Variants in DGKD observed in about 807,000 individuals in gnomAD.
The protein encoded by DGKD is diacylglycerol kinase delta, also known as DAG kinase delta.
Under a neutral mutation model 154.4 loss-of-function variants are expected in DGKD, and 68 were observed. That is an observed-to-expected ratio of 0.44 (90% CI 0.36 to 0.54). The LOEUF is 0.54. DGKD is among the 20% of genes least tolerant of loss of function. The probability of loss-of-function intolerance (pLI) is 0.00; values close to 1 mark genes in which losing one functional copy is unlikely to be tolerated. For missense variants in DGKD, 1,343 were observed against 1,593.6 expected, an observed-to-expected ratio of 0.84 and a Z score of 2.68; for synonymous variants, 693 against 638.0, an observed-to-expected ratio of 1.09 and a Z score of -1.30.
chr2:233,448,850 C>T (rs56336977), intron 14 of DGKD, among the ~76,000 whole-genome samples: 17,323 of 152,240 alleles, frequency 0.11, 1,128 homozygotes, highest in African/African-American at 0.17. Flanking sequence ...TCTATGCAGA[C>T]TAAGACTCAG....
At position 233,457,129 on chromosome 2, in the gene DGKD, C is replaced by G. The variant is rs1448462443; in HGVS notation, c.2473-92C>G. On this transcript the variant is annotated intron_variant, in intron 20 of 29. Coordinates refer to ENST00000264057, the MANE Select transcript of DGKD (RefSeq NM_152879.3). This position sits in a 1 kb window ranked among gnomAD's most constrained non-coding sequence, Gnocchi z 5.5. ...TGGGGATGCCCTGGCCACGGCTGTG[C>G]TCCTGAGCCCCTGGCGGTGGGAAGC... The G allele has an allele frequency of 6.9e-6, 9 of 1,310,980 alleles. No individual in the cohort carries two copies. The highest frequency in any genetic ancestry group is 9.7e-6 in the Non-Finnish European group (9 of 931,910). 81.2% of individuals were successfully genotyped at this position (1,310,980 alleles called of 1,614,324 possible).
At position 233,453,869 on chromosome 2, in the gene DGKD, A is replaced by AGG. The variant is rs1162382789; in HGVS notation, c.2265-893_2265-892dup. Among the ~76,000 whole-genome samples, 7 of 152,366 alleles carry AGG rather than the reference A, an allele frequency of 4.6e-5. No homozygotes were observed. In the East Asian group the frequency reaches 1.3e-3, roughly 29 times the overall value. ...TTCTCGTCTGTCGCACACGGGGAAAAGGAAGCCTTGTGCTGTGGGGCTGGG... is the reference window on the plus strand; with the variant it reads ...TTCTCGTCTGTCGCACACGGGGAAAAGGGGAAGCCTTGTGCTGTGGGGCTGGG... On this transcript the variant is annotated intron_variant, in intron 18 of 29. Coordinates refer to ENST00000264057, the MANE Select transcript of DGKD (RefSeq NM_152879.3).
At chr2:233,380,680 G>GTGT (rs925559127) in intron 1 of DGKD, among the ~76,000 whole-genome samples, 36 of 151,672 alleles carry the variant, frequency 2.4e-4, no homozygotes, top group African/African-American at 8.0e-4. Context: ...GTGTGTGTGT[G>GTGT]GGGGGGTGTT....
intron 1 of DGKD, among the ~76,000 whole-genome samples, chr2:233,361,393 G>C (rs1244050643): frequency 6.6e-6 from 1 of 152,138 alleles, no homozygotes; most frequent in African/African-American, 2.4e-5. Context: ...AATCCTCCCA[G>C]TTATCAATGG....
At chr2:233,392,248 C>T (rs1359617198) in intron 3 of DGKD, 1 of 152,222 alleles carries the variant, frequency 6.6e-6, no homozygotes, top group Non-Finnish European at 1.5e-5. Context: ...TGGTCTCAAA[C>T]TCCTGGCCTG....
chr2:233,417,647 A>G (rs1328696377), intron 3 of DGKD, among the ~76,000 whole-genome samples: 1 of 152,182 alleles, frequency 6.6e-6, no homozygotes, highest in Non-Finnish European at 1.5e-5. Context: ...ATGTATCATT[A>G]TAGATAATTA....
At chr2:233,429,161 G>A (rs2062420793) in intron 3 of DGKD, 1 of 985,268 alleles carries the variant, frequency 1.0e-6, no homozygotes, top group Non-Finnish European at 1.2e-6. Flanking sequence ...CTGAGGCTGA[G>A]TTCTGGAGCA....
intron 1 of DGKD, among the ~76,000 whole-genome samples, chr2:233,358,952 G>C (rs958395131): frequency 9.2e-5 from 14 of 152,164 alleles, no homozygotes; most frequent in Non-Finnish European, 4.4e-5. Context: ...TAATACTACC[G>C]GACTATTTTC....
chr2:233,427,295 G>C (rs906755464), intron 3 of DGKD, among the ~76,000 whole-genome samples: 1 of 150,776 alleles, frequency 6.6e-6, no homozygotes, highest in African/African-American at 2.4e-5. Context: ...GAATCCCTGG[G>C]ATGTCATTCA....
At chr2:233,460,603 G>C (rs970836637) in intron 24 of DGKD, among the ~76,000 whole-genome samples, 1 of 152,094 alleles carries the variant, frequency 6.6e-6, no homozygotes, top group Non-Finnish European at 1.5e-5. Context: ...AAACCTGCCC[G>C]GGCTCAGCCG....
At chr2:233,420,600 A>G (rs571127070) in intron 3 of DGKD, among the ~76,000 whole-genome samples, 140 of 152,350 alleles carry the variant, frequency 9.2e-4, no homozygotes, top group Non-Finnish European at 1.6e-3. Context: ...AATGTCGAAT[A>G]AATGTTATCA....
intron 3 of DGKD, chr2:233,429,209 T>G (rs1313920620): frequency 1.0e-6 from 1 of 985,146 alleles, no homozygotes; most frequent in Admixed American, 6.2e-5. Context: ...GCCGTGGGAG[T>G]AGTAGACTCA....
At position 233,457,641 on chromosome 2, in the gene DGKD, T is replaced by A. The variant is rs1385571800; in HGVS notation, c.2580+313T>A. The A allele has an allele frequency of 3.9e-6, 2 of 507,174 alleles. No homozygotes were observed. The highest frequency in any genetic ancestry group is 7.7e-6 in the Non-Finnish European group (2 of 260,466). The allele number at this position is 507,174 out of a possible 1,614,324, so 31.4% of individuals were successfully genotyped here. A position where few individuals can be genotyped will look rare whatever the true frequency, so the allele number is the denominator to read the frequency against. ...ACCTGAAGGATGAGTTGGAGTTGGCTAAGTTAGGTGGGCAGAGGAGAGGGG... is the reference window on the plus strand; with the variant it reads ...ACCTGAAGGATGAGTTGGAGTTGGCAAAGTTAGGTGGGCAGAGGAGAGGGG... On this transcript the variant is annotated intron_variant, in intron 21 of 29. Transcript: ENST00000264057. The surrounding 1 kb of genome is among the most constrained non-coding windows in gnomAD (Gnocchi z 5.5).
intron 1 of DGKD, among the ~76,000 whole-genome samples, chr2:233,358,517 T>A (rs540610035): frequency 6.6e-6 from 1 of 152,334 alleles, no homozygotes; most frequent in African/African-American, 2.4e-5. Context: ...TTCGCTGTTT[T>A]GCAACCATCA....
chr2:233,375,960 A>G (rs1403549931), intron 1 of DGKD, among the ~76,000 whole-genome samples: 2 of 152,162 alleles, frequency 1.3e-5, no homozygotes, highest in Non-Finnish European at 2.9e-5. Flanking sequence ...TAGTATTGCA[A>G]GCCACACTCA....
chr2:233,412,049 A>G (rs1427346379), intron 3 of DGKD, among the ~76,000 whole-genome samples: 1 of 152,232 alleles, frequency 6.6e-6, no homozygotes, highest in Non-Finnish European at 1.5e-5. Flanking sequence ...TGTTGAAATT[A>G]GAGTCATCTT....
chr2:233,441,637 T>A lies in DGKD; in HGVS notation c.1086-250T>A, dbSNP rs941252443. Among the ~76,000 whole-genome samples the A allele has an allele frequency of 2.0e-5, 3 of 151,674 alleles. No homozygotes were observed. The highest frequency in any genetic ancestry group is 2.0e-4 in the Admixed American group (3 of 15,198). ...GCGTGCAGTGGCTCACCAAGCTGAGTGGTCTTGTCGCTGGGTGGGGCGTGG... is the reference window on the plus strand; with the variant it reads ...GCGTGCAGTGGCTCACCAAGCTGAGAGGTCTTGTCGCTGGGTGGGGCGTGG... On this transcript the variant is annotated intron_variant, in intron 9 of 29. Coordinates refer to ENST00000264057, the MANE Select transcript of DGKD (RefSeq NM_152879.3). This position sits in a 1 kb window ranked among gnomAD's most constrained non-coding sequence, Gnocchi z 5.6.
At chr2:233,433,769 T>C (rs1046331296) in intron 3 of DGKD, among the ~76,000 whole-genome samples, 1 of 152,238 alleles carries the variant, frequency 6.6e-6, no homozygotes, top group African/African-American at 2.4e-5. Flanking sequence ...TGCAAGTTCA[T>C]AGCCTTTTTT....
rs77540054 is a variant in DGKD, at chr2:233,426,144, C to T, written c.349-8236C>T. The stretch of plus-strand genomic sequence containing the variant: ...TTTCATAAACGTTGAAAATCCATTT[C>T]TAACACTGTTTTAACATAGTGCTGC... On this transcript the variant is annotated intron_variant, in intron 3 of 29. Coordinates refer to ENST00000264057, the MANE Select transcript of DGKD (RefSeq NM_152879.3). 3.4e-3 allele frequency among the ~76,000 whole-genome samples: 516 copies of T among 152,344 alleles called. 22 individuals carry two copies. In the East Asian group the frequency reaches 0.075, roughly 22 times the overall value.
Sources: gnomAD v4.1 joint callset for allele counts (sites outside exome capture counted in the v4.1 genomes callset) on GRCh38, gnomAD v4.1.1 for gene constraint, Gnocchi (gnomAD v3.1) non-coding constraint, MANE v1.5 for transcripts, NCBI Gene and HGNC (gene_info 2026-07-23, HGNC 2026-07-21) for gene names.